Variants in ICA1 observed in about 807,000 individuals in gnomAD.
ICA1 encodes the protein 69 kDa islet cell autoantigen.
ICA1 carries 40 observed loss-of-function variants against 71.0 expected under a neutral mutation model. The ratio of observed to expected loss-of-function variants is 0.56; its 90% confidence interval spans 0.44 to 0.73. The LOEUF (loss-of-function observed/expected upper bound fraction) is 0.73, where lower values mean the gene tolerates loss of function less well. ICA1 is among the 30% of genes least tolerant of loss of function. ICA1 has a pLI of 0.00. For missense variants in ICA1, 578 were observed against 576.5 expected (o/e 1.00, Z -0.03); for synonymous variants, 207 against 209.5 (o/e 0.99, Z 0.10).
chr7:8,192,050 T>C (rs1281384425), intron 6 of ICA1, among the ~76,000 whole-genome samples: 2 of 152,154 alleles, frequency 1.3e-5, no homozygotes, highest in African/African-American at 4.8e-5. Context: ...GACAGAAAGT[T>C]CCTTTATTCT....
intron 12 of ICA1, among the ~76,000 whole-genome samples, chr7:8,136,087 T>C (rs763643951): frequency 3.9e-5 from 6 of 152,238 alleles, no homozygotes; most frequent in Non-Finnish European, 7.3e-5. Context: ...TGGTCAAATA[T>C]TGGTTTTCCA....
intron 6 of ICA1, among the ~76,000 whole-genome samples, chr7:8,165,530 T>A (rs1177035894): frequency 6.6e-6 from 1 of 152,148 alleles, no homozygotes; most frequent in South Asian, 2.1e-4. Context: ...CTTTGAGCCA[T>A]GAGGCAAGAA....
At chr7:8,115,067 T>G (rs1784368285) in intron 13 of ICA1, 1 of 152,242 alleles carries the variant, frequency 6.6e-6, no homozygotes, top group South Asian at 2.1e-4. Flanking sequence ...CCTTTGATCC[T>G]TTCATCAAAA....
chr7:8,260,786 G>C lies in ICA1; in HGVS notation c.-80+1308C>G, dbSNP rs796685428. 2.0e-4 allele frequency among the ~76,000 whole-genome samples: 31 copies of C among 152,302 alleles called. 1 individual carries two copies. Among genetic ancestry groups the C allele is most frequent in the African/African-American group, 7.2e-4 (30 of 41,568 alleles). On this transcript the variant is annotated intron_variant, in intron 1 of 13. Transcript: ENST00000402384. ...GAAAACTTACTTAAAAGCATTTTTAGAGAGTGTGTGTTTTAAACAGGGGGT... is the reference window on the plus strand; with the variant it reads ...GAAAACTTACTTAAAAGCATTTTTACAGAGTGTGTGTTTTAAACAGGGGGT...
chr7:8,213,382 T>A (rs559387289), intron 6 of ICA1, among the ~76,000 whole-genome samples: 1 of 152,294 alleles, frequency 6.6e-6, no homozygotes, highest in African/African-American at 2.4e-5. Context: ...AAACTGGAAA[T>A]GTTCCCCATT....
intron 6 of ICA1, among the ~76,000 whole-genome samples, chr7:8,202,799 G>C (rs1790171581): frequency 6.6e-6 from 1 of 152,184 alleles, no homozygotes; most frequent in Non-Finnish European, 1.5e-5. Flanking sequence ...GTAGGACCTG[G>C]TGGTGAGCCT....
At chr7:8,129,216 A>T (rs1421545670) in intron 12 of ICA1, among the ~76,000 whole-genome samples, 1 of 152,170 alleles carries the variant, frequency 6.6e-6, no homozygotes, top group Non-Finnish European at 1.5e-5. Flanking sequence ...CCACTTGGAA[A>T]CTATAAACAT....
intron 8 of ICA1, among the ~76,000 whole-genome samples, chr7:8,152,586 ACCACCACTACCCCCAGCACT>A (rs1799302450): frequency 7.1e-6 from 1 of 141,744 alleles, no homozygotes; most frequent in African/African-American, 2.5e-5. Flanking sequence ...CATCTCCTTC[ACCACCACTACCCCCAGCACT>A]ACCACCATCA....
At chr7:8,245,629 C>G (rs775770376) in intron 1 of ICA1, among the ~76,000 whole-genome samples, 39 of 151,966 alleles carry the variant, frequency 2.6e-4, no homozygotes, top group Non-Finnish European at 5.0e-4. Context: ...AATTTAAAAA[C>G]AGTGAAATTA....
At chr7:8,238,635 C>G (rs1462341926) in intron 1 of ICA1, among the ~76,000 whole-genome samples, 6 of 152,082 alleles carry the variant, frequency 3.9e-5, no homozygotes, top group Non-Finnish European at 1.5e-5. Context: ...TTTACTATGA[C>G]TTTTTAATTA....
intron 1 of ICA1, among the ~76,000 whole-genome samples, chr7:8,239,288 T>C (rs2128481754): frequency 6.6e-6 from 1 of 152,368 alleles, no homozygotes; most frequent in East Asian, 1.9e-4. Flanking sequence ...TAAAAAATCA[T>C]TATAATTGTT....
chr7:8,229,879 T>C (rs1799728771), intron 3 of ICA1, among the ~76,000 whole-genome samples: 1 of 152,224 alleles, frequency 6.6e-6, no homozygotes, highest in Admixed American at 6.5e-5. Context: ...TATATCAGTA[T>C]TCTGGATCAA....
intron 13 of ICA1, among the ~76,000 whole-genome samples, chr7:8,126,907 G>A (rs756793092): frequency 3.3e-5 from 5 of 152,090 alleles, no homozygotes; most frequent in Non-Finnish European, 5.9e-5. Context: ...GTGTTCCAAT[G>A]CTAGCAATTC....
At chr7:8,240,303 CAACA>C (rs1162558738) in intron 1 of ICA1, among the ~76,000 whole-genome samples, 6 of 152,080 alleles carry the variant, frequency 3.9e-5, no homozygotes, top group African/African-American at 1.5e-4. Context: ...CAGCAAACTC[CAACA>C]AACCTGCAGC....
At chr7:8,233,864 A>G (rs1801021359) in intron 2 of ICA1, among the ~76,000 whole-genome samples, 1 of 152,340 alleles carries the variant, frequency 6.6e-6, no homozygotes, top group South Asian at 2.1e-4. Flanking sequence ...TGCTTAAAAT[A>G]TAGATGAAAA....
At chr7:8,213,799 G>A (rs142466344) in intron 6 of ICA1, among the ~76,000 whole-genome samples, 2,036 of 152,002 alleles carry the variant, frequency 0.013, 20 homozygotes, top group Non-Finnish European at 0.022. Context: ...CCCTAATAAG[G>A]TCCCACCGAG....
At chr7:8,201,095 T>C (rs1481084856) in intron 6 of ICA1, among the ~76,000 whole-genome samples, 1 of 152,222 alleles carries the variant, frequency 6.6e-6, no homozygotes, top group Non-Finnish European at 1.5e-5. Context: ...TTTTGTAATA[T>C]ATCAACGTGG....
intron 1 of ICA1, among the ~76,000 whole-genome samples, chr7:8,238,136 T>C (rs1174345699): frequency 6.6e-6 from 1 of 152,228 alleles, no homozygotes; most frequent in Non-Finnish European, 1.5e-5. Flanking sequence ...TCTGAGATCC[T>C]GTATTCAATT....
Position 8,232,774 on chromosome 7 carries a change from C to G in ICA1, c.18-19G>C, listed in dbSNP as rs372282296. On this transcript the variant is annotated intron_variant, in intron 2 of 13. Transcript: ENST00000402384. The stretch of plus-strand genomic sequence containing the variant: ...ATAACTGCTAAAAACATTTAAAGAA[C>G]TATTTTATTCACACCTTTCATAAAG... The G allele has an allele frequency of 1.3e-5, 20 of 1,546,760 alleles. No individual in the cohort carries two copies. Among genetic ancestry groups the G allele is most frequent in the Non-Finnish European group, 1.7e-5 (19 of 1,146,724 alleles).
Sources: allele counts gnomAD v4.1 joint callset (sites outside exome capture counted in the v4.1 genomes callset), GRCh38; gene constraint gnomAD v4.1.1; transcripts MANE v1.5; gene names NCBI Gene and HGNC (gene_info 2026-07-23, HGNC 2026-07-21).